Variants in BBX observed in about 807,000 individuals in gnomAD.
The protein encoded by BBX is HMG box transcription factor BBX.
A neutral mutation model predicts 100.2 loss-of-function variants in BBX; 30 were observed. That is an observed-to-expected ratio of 0.30 (90% CI 0.22 to 0.41). The LOEUF is 0.41. BBX is among the 10% of genes least tolerant of loss of function. BBX has a pLI of 1.00. For synonymous variants in BBX, 376 were observed against 388.1 expected, an observed-to-expected ratio of 0.97 and a Z score of 0.37; for missense variants, 1,023 against 1,129.8, an observed-to-expected ratio of 0.91 and a Z score of 1.35.
At chr3:107,552,468 T>A (rs539283414) in intron 2 of BBX, among the ~76,000 whole-genome samples, 1 of 148,208 alleles carries the variant, frequency 6.7e-6, no homozygotes, top group East Asian at 2.1e-4. Flanking sequence ...CTTAAATGGA[T>A]AACCACAGAA....
intron 2 of BBX, among the ~76,000 whole-genome samples, chr3:107,614,975 C>T (rs1254414399): frequency 6.6e-6 from 1 of 152,098 alleles, no homozygotes; most frequent in Non-Finnish European, 1.5e-5. Flanking sequence ...ATTTTGTGTG[C>T]TTTGATAAGG....
intron 2 of BBX, among the ~76,000 whole-genome samples, chr3:107,591,958 T>C (rs2053348390): frequency 6.6e-6 from 1 of 152,222 alleles, no homozygotes; most frequent in Admixed American, 6.5e-5. Flanking sequence ...TTCCAGTGTC[T>C]TTATGCTGGT....
At chr3:107,700,408 C>CATT (rs1308480845) in intron 3 of BBX, among the ~76,000 whole-genome samples, 2 of 29,430 alleles carry the variant, frequency 6.8e-5, no homozygotes, top group Non-Finnish European at 2.0e-4. Context: ...TATTTTCTTT[C>CATT]ATCATCATTA....
chr3:107,793,669 T>C (rs967585410), intron 15 of BBX, among the ~76,000 whole-genome samples: 74 of 152,180 alleles, frequency 4.9e-4, no homozygotes, highest in African/African-American at 1.6e-3. Context: ...AATTTAAACA[T>C]GTCTAAAATT....
chr3:107,683,764 T>C (rs2059692437), intron 3 of BBX, among the ~76,000 whole-genome samples: 1 of 152,192 alleles, frequency 6.6e-6, no homozygotes, highest in Admixed American at 6.6e-5. Flanking sequence ...ACGAATACTT[T>C]ATGGTCCAAG....
At chr3:107,563,515 A>G (rs1301876295) in intron 2 of BBX, among the ~76,000 whole-genome samples, 1 of 152,204 alleles carries the variant, frequency 6.6e-6, no homozygotes, top group Non-Finnish European at 1.5e-5. Context: ...CCCCAAATAT[A>G]AAACTTCTAT....
chr3:107,707,236 C>T (rs1382557695), intron 3 of BBX, among the ~76,000 whole-genome samples: 1 of 152,202 alleles, frequency 6.6e-6, no homozygotes, highest in East Asian at 1.9e-4. Context: ...GCCTGTGCAT[C>T]TGGTGGTTCT....
intron 5 of BBX, among the ~76,000 whole-genome samples, chr3:107,725,114 G>A (rs1456614321): frequency 6.6e-6 from 1 of 152,112 alleles, no homozygotes; most frequent in Non-Finnish European, 1.5e-5. Flanking sequence ...TCCTTGAAGA[G>A]GTCCTTCACA....
intron 2 of BBX, among the ~76,000 whole-genome samples, chr3:107,626,203 A>G (rs1022868988): frequency 6.6e-5 from 10 of 152,226 alleles, no homozygotes; most frequent in African/African-American, 2.2e-4. Flanking sequence ...TATATGGGTG[A>G]CTGGAAAATC....
rs80158054 is a variant in BBX at position 107,690,891 on chromosome 3, C to G, written c.-9-19561C>G. Among the ~76,000 whole-genome samples, 17 of 72,346 alleles carry G rather than the reference C, an allele frequency of 2.3e-4. No homozygotes were observed. In the South Asian group the frequency reaches 2.5e-3, roughly 11 times the overall value. The allele number at this position is 72,346 out of a possible 152,430, so 47.5% of individuals were successfully genotyped here. ...ATGTTCTCACTTTGATGCCCCCCCCCCTTTTTTTTTTTTTTTTTTTTTTTT... is the reference window on the plus strand; with the variant it reads ...ATGTTCTCACTTTGATGCCCCCCCCGCTTTTTTTTTTTTTTTTTTTTTTTT... On this transcript the variant is annotated intron_variant, in intron 3 of 17. Coordinates refer to ENST00000325805, the MANE Select transcript of BBX (RefSeq NM_001142568.3).
At chr3:107,714,092 C>G (rs2061932113) in intron 4 of BBX, among the ~76,000 whole-genome samples, 1 of 149,468 alleles carries the variant, frequency 6.7e-6, no homozygotes, top group African/African-American at 2.5e-5. Flanking sequence ...TCTCCTGCCT[C>G]AGCCTCCAGA....
At chr3:107,763,219 G>A (rs28416757) in intron 10 of BBX, among the ~76,000 whole-genome samples, 9,358 of 134,390 alleles carry the variant, frequency 0.07, 756 homozygotes, top group African/African-American at 0.2. Context: ...TACTTCTGTG[G>A]TATTACCTTT....
chr3:107,605,188 T>A (rs944911644), intron 2 of BBX, among the ~76,000 whole-genome samples: 1 of 152,190 alleles, frequency 6.6e-6, no homozygotes, highest in Non-Finnish European at 1.5e-5. Context: ...GGAAATATTT[T>A]GCAAATGAGC....
chr3:107,528,147 A>C (rs1047558178), intron 2 of BBX, among the ~76,000 whole-genome samples: 1 of 152,184 alleles, frequency 6.6e-6, no homozygotes, highest in Non-Finnish European at 1.5e-5. Context: ...ATAGTGATCT[A>C]AAAAAAGTCA....
intron 2 of BBX, among the ~76,000 whole-genome samples, chr3:107,635,345 A>G (rs979825835): frequency 2.0e-5 from 3 of 152,230 alleles, no homozygotes; most frequent in African/African-American, 7.2e-5. Flanking sequence ...CTAAGAAAAC[A>G]TATCAAGCCA....
chr3:107,686,479 A>T (rs557623712), intron 3 of BBX, among the ~76,000 whole-genome samples: 10 of 150,028 alleles, frequency 6.7e-5, no homozygotes, highest in African/African-American at 2.2e-4. Flanking sequence ...ACCTGTGGTG[A>T]TTTTTAAGTA....
chr3:107,720,179 C>T (rs142063934), intron 5 of BBX, among the ~76,000 whole-genome samples: 1 of 152,070 alleles, frequency 6.6e-6, no homozygotes, highest in Non-Finnish European at 1.5e-5. Flanking sequence ...AGTGTCTTGA[C>T]CAACCATACA....
At position 107,755,588 on chromosome 3, in the gene BBX, T is replaced by C; in HGVS notation, c.826-10T>C. 3 of 1,611,278 alleles carry C rather than the reference T, an allele frequency of 1.9e-6. No individual in the cohort carries two copies. The highest frequency in any genetic ancestry group is 8.5e-7 in the Non-Finnish European group (1 of 1,177,492). The stretch of plus-strand genomic sequence containing the variant: ...ACTAATATTCCCTATTTGGATTGTC[T>C]TTAATATAGATTTCTTCAAACACTT... On this transcript the variant is annotated splice_polypyrimidine_tract_variant and intron_variant, in intron 9 of 17. Transcript: ENST00000325805.
intron 17 of BBX, among the ~76,000 whole-genome samples, chr3:107,804,636 A>C (rs2070895136): frequency 6.6e-6 from 1 of 152,148 alleles, no homozygotes; most frequent in Non-Finnish European, 1.5e-5. Flanking sequence ...AATGATGAAA[A>C]TTTCCATGAA....
Sources: allele counts gnomAD v4.1 joint callset (sites outside exome capture counted in the v4.1 genomes callset), GRCh38; gene constraint gnomAD v4.1.1; transcripts MANE v1.5; gene names NCBI Gene and HGNC (gene_info 2026-07-23, HGNC 2026-07-21).